DMD: variants seen among roughly 807,000 people sequenced by gnomAD.
DMD encodes mutant dystrophin.
DMD carries 63 observed loss-of-function variants against 330.1 expected under a neutral mutation model. The ratio of observed to expected loss-of-function variants is 0.19; its 90% CI spans 0.16 to 0.24. DMD has a LOEUF of 0.24. DMD is among the 10% of genes least tolerant of loss of function. The pLI is 1.00. For missense variants in DMD, 3,344 were observed against 2,684.1 expected (o/e 1.25, Z -5.43); for synonymous variants, 1,223 against 959.8 (o/e 1.27, Z -5.07).
chrX:33,094,827 A>G (rs2095135007), intron 1 of DMD, among the ~76,000 whole-genome samples: 1 of 110,690 alleles, frequency 9.0e-6, no homozygotes, highest in Non-Finnish European at 1.9e-5. Context: ...AAAAAAGAAA[A>G]AAAAGAAAGA....
At chrX:31,644,094 AT>A (rs1037873191) in intron 54 of DMD, among the ~76,000 whole-genome samples, 6 of 111,790 alleles carry the variant, frequency 5.4e-5, no homozygotes, top group Non-Finnish European at 1.1e-4. Flanking sequence ...CAGGTAACCC[AT>A]TTTCAAAAGC....
chrX:31,404,991 A>G (rs1486631972), intron 60 of DMD, among the ~76,000 whole-genome samples: 3 of 111,913 alleles, frequency 2.7e-5, no homozygotes, highest in Non-Finnish European at 5.6e-5. Flanking sequence ...AGGAAAATGG[A>G]GAGTGTGAAA....
At chrX:32,386,615 A>C (rs1232555244) in intron 32 of DMD, 150 bp from the exon 33 acceptor site, 1 of 486,802 alleles carries the variant, frequency 2.1e-6, no homozygotes, top group Non-Finnish European at 3.4e-6. Flanking sequence ...GTCAATATCT[A>C]GCTTTTGCAT....
At chrX:32,687,326 T>C (rs1207821562) in intron 9 of DMD, among the ~76,000 whole-genome samples, 1 of 112,096 alleles carries the variant, frequency 8.9e-6, no homozygotes, top group Non-Finnish European at 1.9e-5. Flanking sequence ...TGACAGATTG[T>C]ATTTTTTTAA....
chrX:32,213,722 C>G (rs781644052), intron 44 of DMD, among the ~76,000 whole-genome samples: 1 of 111,266 alleles, frequency 9.0e-6, no homozygotes, highest in Non-Finnish European at 1.9e-5. Flanking sequence ...CGTCTGCAAT[C>G]CCAGCACTTT....
At chrX:32,220,145 C>T (rs974521669) in intron 43 of DMD, among the ~76,000 whole-genome samples, 2 of 111,278 alleles carry the variant, frequency 1.8e-5, no homozygotes, top group South Asian at 7.6e-4. Context: ...TTCTGCCCGA[C>T]CCCTGCTACT....
intron 17 of DMD, among the ~76,000 whole-genome samples, chrX:32,541,950 G>A (rs1737380): frequency 0.22 from 24,429 of 110,848 alleles, 2,119 homozygotes; most frequent in East Asian, 0.32. Context: ...AAGTAGGTAT[G>A]GTTAATTGGA....
chrX:32,793,695 C>T (rs922281303), intron 7 of DMD, among the ~76,000 whole-genome samples: 9 of 111,479 alleles, frequency 8.1e-5, no homozygotes, highest in Non-Finnish European at 1.1e-4. Context: ...TACAACCAAC[C>T]GTGGATCAAG....
chrX:32,336,410 A>G (rs2097715830), intron 41 of DMD, among the ~76,000 whole-genome samples: 1 of 111,950 alleles, frequency 8.9e-6, no homozygotes, highest in Non-Finnish European at 1.9e-5. Context: ...TATTTTGGAA[A>G]TGTGTACTTT....
At chrX:32,217,113 C>T (rs1434176887) in intron 43 of DMD, 50 bp from the exon 44 acceptor site, 4 of 1,143,330 alleles carry the variant, frequency 3.5e-6, no homozygotes, top group African/African-American at 1.8e-5. Flanking sequence ...TTATGTAAAA[C>T]AGATTATAGA....
intron 60 of DMD, among the ~76,000 whole-genome samples, chrX:31,363,545 T>A (rs983502632): frequency 1.8e-5 from 2 of 109,789 alleles, no homozygotes; most frequent in South Asian, 8.0e-4. Flanking sequence ...CACGCCTGGC[T>A]AATTTTTGTA....
At chrX:31,179,689 T>C (rs889117374) in intron 69 of DMD, among the ~76,000 whole-genome samples, 1 of 111,281 alleles carries the variant, frequency 9.0e-6, no homozygotes, top group Non-Finnish European at 1.9e-5. Context: ...CAAGTCTACA[T>C]CCTTGCCATT....
chrX:31,833,895 G>T (rs1459804686), intron 49 of DMD, among the ~76,000 whole-genome samples: 1 of 111,152 alleles, frequency 9.0e-6, no homozygotes, highest in Admixed American at 9.6e-5. Context: ...TACATCGTGA[G>T]AGATTTTCAT....
intron 44 of DMD, among the ~76,000 whole-genome samples, chrX:32,061,862 C>T (rs2096227866): frequency 9.0e-6 from 1 of 111,213 alleles, no homozygotes; most frequent in African/African-American, 3.3e-5. Context: ...GCTCAGCCTT[C>T]CTATAGCTAA....
At chrX:32,807,122 T>TAAAAAAAAAAAAAAAAAAAAAAA (rs999286386) in intron 7 of DMD, among the ~76,000 whole-genome samples, 1 of 20,744 alleles carries the variant, frequency 4.8e-5, no homozygotes, top group African/African-American at 2.2e-4. Context: ...CGGAAACATT[T>TAAAAAAAAAAAAAAAAAAAAAAA]AAAAAAAAAA....
intron 7 of DMD, among the ~76,000 whole-genome samples, chrX:32,731,699 G>A (rs1019032718): frequency 2.7e-5 from 3 of 111,738 alleles, no homozygotes; most frequent in Non-Finnish European, 5.6e-5. Context: ...GCAGCTGAGG[G>A]TCCTGTCTGT....
intron 1 of DMD, among the ~76,000 whole-genome samples, chrX:33,087,488 T>C: frequency 8.9e-6 from 1 of 112,159 alleles, no homozygotes; most frequent in Non-Finnish European, 1.9e-5. Context: ...GAAATGTTTA[T>C]TTGATTTGTA....
intron 21 of DMD, among the ~76,000 whole-genome samples, chrX:32,480,480 AGTAT>A (rs2041754470): frequency 1.8e-5 from 2 of 110,939 alleles, no homozygotes; most frequent in African/African-American, 3.3e-5. Flanking sequence ...GTACATACAC[AGTAT>A]GTGTCTACGT....
intron 18 of DMD, among the ~76,000 whole-genome samples, chrX:32,510,251 C>T (rs1054786203): frequency 8.9e-6 from 1 of 111,735 alleles, no homozygotes; most frequent in Non-Finnish European, 1.9e-5. Context: ...CTTACCTTTT[C>T]CCTGATGCTA....
Sources: allele counts gnomAD v4.1 joint callset (sites outside exome capture counted in the v4.1 genomes callset), GRCh38; gene constraint gnomAD v4.1.1; transcripts MANE v1.5; gene names NCBI Gene and HGNC (gene_info 2026-07-23, HGNC 2026-07-21).